PTPRD: variants seen among roughly 807,000 people sequenced by gnomAD.
The protein encoded by PTPRD is receptor-type tyrosine-protein phosphatase delta.
In PTPRD, 34 loss-of-function variants were observed where a neutral mutation model predicts 214.5. The observed-to-expected ratio is 0.16, with a 90% CI of 0.12 to 0.21. The LOEUF (loss-of-function observed/expected upper bound fraction) is 0.21, where lower values mean the gene tolerates loss of function less well. Ranked by LOEUF, PTPRD falls within the 10% of genes least tolerant of loss-of-function variation. The pLI, the probability that PTPRD is intolerant of heterozygous loss-of-function variation, is 1.00. For missense variants in PTPRD, 2,545 were observed against 2,398.7 expected, an observed-to-expected ratio of 1.06 and a Z score of -1.27; for synonymous variants, 1,128 against 845.7, an observed-to-expected ratio of 1.33 and a Z score of -5.79.
intron 2 of PTPRD, among the ~76,000 whole-genome samples, chr9:10,555,631 T>C (rs2062388637): frequency 6.6e-6 from 1 of 152,140 alleles, no homozygotes; most frequent in Admixed American, 6.5e-5. Context: ...GCCTTGAAAA[T>C]GTATTCCTTT....
At chr9:10,259,407 T>A (rs2154374629) in intron 3 of PTPRD, among the ~76,000 whole-genome samples, 1 of 152,282 alleles carries the variant, frequency 6.6e-6, no homozygotes, top group East Asian at 1.9e-4. Flanking sequence ...TGACTTCCCC[T>A]TCATATGGAA....
At chr9:8,772,741 G>C (rs565797647) in intron 11 of PTPRD, among the ~76,000 whole-genome samples, 2 of 150,784 alleles carry the variant, frequency 1.3e-5, no homozygotes, top group Non-Finnish European at 1.5e-5. Context: ...TCAATAGGTT[G>C]ATTTTTTTTT....
At position 9,795,532 on chromosome 9, in the gene PTPRD, T is replaced by C. The variant is rs1598067609; in HGVS notation, c.-367-28681A>G. On this transcript the variant is annotated intron_variant, in intron 5 of 45. Transcript: ENST00000381196. ...AACAAATAAAGTATAAGCATAGTAT[T>C]GTGTTATCATTGATACTTAGTCAAA... is the stretch of plus-strand genomic sequence containing the variant. 3.9e-5 allele frequency among the ~76,000 whole-genome samples: 6 copies of C among 152,306 alleles called. No homozygotes were observed. In the Middle Eastern group the frequency reaches 0.02, roughly 518 times the overall value.
At chr9:10,461,767 C>A (rs113187461) in intron 2 of PTPRD, among the ~76,000 whole-genome samples, 6,824 of 151,900 alleles carry the variant, frequency 0.045, 542 homozygotes, top group African/African-American at 0.16. Flanking sequence ...GGATTACAGG[C>A]GTGAGCCTCC....
intron 11 of PTPRD, among the ~76,000 whole-genome samples, chr9:9,016,645 G>A (rs78865960): frequency 0.074 from 11,207 of 152,124 alleles, 458 homozygotes; most frequent in East Asian, 0.13. Context: ...TTAAATGGTC[G>A]TTTGACCTAC....
intron 15 of PTPRD, among the ~76,000 whole-genome samples, chr9:8,527,664 C>T (rs948177507): frequency 6.6e-6 from 1 of 152,058 alleles, no homozygotes; most frequent in South Asian, 2.1e-4. Context: ...AAGTAAACAG[C>T]TTATTATTAT....
intron 39 of PTPRD, among the ~76,000 whole-genome samples, chr9:8,374,097 TATA>T (rs1296381229): frequency 6.7e-6 from 1 of 149,752 alleles, no homozygotes; most frequent in Non-Finnish European, 1.5e-5. Context: ...ATTTTAAACA[TATA>T]ATTACACACG....
At chr9:10,371,992 G>A (rs1459922677) in intron 2 of PTPRD, among the ~76,000 whole-genome samples, 1 of 152,032 alleles carries the variant, frequency 6.6e-6, no homozygotes, top group Non-Finnish European at 1.5e-5. Context: ...ATGGCTAACA[G>A]CTATTTATCA....
intron 7 of PTPRD, among the ~76,000 whole-genome samples, chr9:9,588,561 T>C (rs1487344121): frequency 6.6e-6 from 1 of 152,000 alleles, no homozygotes. Flanking sequence ...CAAGTTTATC[T>C]TATTAGTGAA....
At chr9:9,893,987 G>A (rs1033052613) in intron 5 of PTPRD, among the ~76,000 whole-genome samples, 1 of 151,904 alleles carries the variant, frequency 6.6e-6, no homozygotes, top group African/African-American at 2.4e-5. Flanking sequence ...GTTTGTTGTT[G>A]GTATTTGGTA....
chr9:9,463,725 G>C (rs553179186), intron 8 of PTPRD, among the ~76,000 whole-genome samples: 1 of 152,040 alleles, frequency 6.6e-6, no homozygotes, highest in South Asian at 2.1e-4. Context: ...TGGGCTTCTA[G>C]TGTACTTGAA....
At chr9:9,648,552 T>C (rs778465492) in intron 7 of PTPRD, among the ~76,000 whole-genome samples, 5 of 152,350 alleles carry the variant, frequency 3.3e-5, no homozygotes, top group Admixed American at 6.5e-5. Flanking sequence ...AATTAGATAT[T>C]TGATGATCAC....
intron 2 of PTPRD, among the ~76,000 whole-genome samples, chr9:10,348,101 C>T (rs1206304944): frequency 6.6e-6 from 1 of 152,120 alleles, no homozygotes; most frequent in East Asian, 1.9e-4. Context: ...TATAGTCACA[C>T]TATTTATCTA....
Position 8,934,518 on chromosome 9 carries a change from T to A in PTPRD, c.-104+84179A>T, listed in dbSNP as rs79716268. The stretch of plus-strand genomic sequence containing the variant: ...AAATATATATATAAATATATATATA[T>A]AAATATATATATATATGGGAAACCA... On this transcript the variant is annotated intron_variant, in intron 11 of 45. Transcript: ENST00000381196. Among the ~76,000 whole-genome samples, 34 of 20,632 alleles carry A rather than the reference T, an allele frequency of 1.6e-3. 4 individuals are homozygous for A. In the East Asian group the frequency reaches 0.078, roughly 47 times the overall value. The allele number at this position is 20,632 out of a possible 152,430, so 13.5% of individuals were successfully genotyped here. A position where few individuals can be genotyped will look rare whatever the true frequency, so the allele number is the denominator to read the frequency against.
At chr9:8,512,095 C>T (rs1266566568) in intron 21 of PTPRD, among the ~76,000 whole-genome samples, 3 of 151,938 alleles carry the variant, frequency 2.0e-5, no homozygotes, top group African/African-American at 7.2e-5. Flanking sequence ...ACCAAAGATA[C>T]TAGAAAACCC....
At chr9:10,349,000 G>T (rs570336124) in intron 2 of PTPRD, among the ~76,000 whole-genome samples, 2 of 151,986 alleles carry the variant, frequency 1.3e-5, no homozygotes, top group Non-Finnish European at 2.9e-5. Context: ...AGGTACAGGG[G>T]ACATAGGACA....
intron 3 of PTPRD, among the ~76,000 whole-genome samples, chr9:10,321,527 A>T (rs2096552191): frequency 6.6e-6 from 1 of 152,098 alleles, no homozygotes; most frequent in South Asian, 2.1e-4. Context: ...GACAAAGTGG[A>T]ATGTGGTTGA....
intron 36 of PTPRD, among the ~76,000 whole-genome samples, chr9:8,391,796 A>G (rs1489860740): frequency 6.6e-6 from 1 of 152,116 alleles, no homozygotes; most frequent in African/African-American, 2.4e-5. Flanking sequence ...AAGGAAAGCA[A>G]ATGTGTCTGA....
intron 12 of PTPRD, among the ~76,000 whole-genome samples, chr9:8,690,018 GAATTGCTTAA>G (rs1183245503): frequency 6.6e-6 from 1 of 150,788 alleles, no homozygotes; most frequent in Non-Finnish European, 1.5e-5. Flanking sequence ...TGAGGCAGGA[GAATTGCTTAA>G]GCCCAGGAGG....
Sources: gnomAD v4.1 joint callset for allele counts (sites outside exome capture counted in the v4.1 genomes callset) on GRCh38, gnomAD v4.1.1 for gene constraint, MANE v1.5 for transcripts, NCBI Gene and HGNC (gene_info 2026-07-23, HGNC 2026-07-21) for gene names.